The following CNR1 variants were observed in gnomAD, a reference collection of about 807,000 sequenced individuals.
The protein encoded by CNR1 is cannabinoid receptor 1 (brain).
A neutral mutation model predicts 23.0 loss-of-function variants in CNR1; 10 were observed. That is an observed-to-expected ratio of 0.43 (90% CI 0.27 to 0.74). The LOEUF is 0.74. Ranked by LOEUF, CNR1 falls within the 30% of genes least tolerant of loss-of-function variation. The pLI is 0.19. For synonymous variants in CNR1, 271 were observed against 255.2 expected, an observed-to-expected ratio of 1.06 and a Z score of -0.59; for missense variants, 422 against 618.8, an observed-to-expected ratio of 0.68 and a Z score of 3.37.
rs1420525902 is a variant in CNR1 at position 88,139,996 on chromosome 6, T to C, written c.*3860A>G. On this transcript the variant is annotated 3_prime_UTR_variant, in exon 2 of 2. Coordinates refer to ENST00000369501, the MANE Select transcript of CNR1 (RefSeq NM_016083.6). ...ATTGAAATAAAATATACTGTGGGCT[T>C]AATACATTGTAAATATTACAGAAGA... The C allele has an allele frequency of 2.0e-5, 3 of 152,558 alleles. No homozygotes were observed. Among genetic ancestry groups the C allele is most frequent in the African/African-American group, 7.2e-5 (3 of 41,476 alleles). The allele number at this position is 152,558 out of a possible 1,614,324, so 9.5% of individuals were successfully genotyped here. A position where few individuals can be genotyped will look rare whatever the true frequency, so the allele number is the denominator to read the frequency against.
chr6:88,156,250 AG>A lies in CNR1; in HGVS notation c.-64+9552del, dbSNP rs141006752. On this transcript the variant is annotated intron_variant, in intron 1 of 1. Transcript: ENST00000369501. Reference sequence around the variant, plus strand: ...ATGTGGCTAATAGATATAAAGTTACAGGCCTTCAAATGCTTGATTTAACACA... The same window carrying A: ...ATGTGGCTAATAGATATAAAGTTACAGCCTTCAAATGCTTGATTTAACACA... 9.2e-3 allele frequency among the ~76,000 whole-genome samples: 1,396 copies of A among 152,328 alleles called. 47 individuals are homozygous for A. Among genetic ancestry groups the A allele is most frequent in the East Asian group, 0.077 (400 of 5,192 alleles).
chr6:88,144,258 A>G lies in CNR1; in HGVS notation c.1017T>C (p.Ile339=), dbSNP rs1777007883. The change falls in exon 2 of 2, where the codon ATT becomes ATC. Residue 339 remains isoleucine, a synonymous_variant. Transcript: ENST00000369501. The surrounding 1 kb of genome is among the most constrained non-coding windows in gnomAD (Gnocchi z 7.8). The part of the protein sequence containing the change: ...VTRPDQARMD[I]RLAKTLVLIL... The stretch of plus-strand genomic sequence containing the variant: ...TCAGGACCAGGGTCTTGGCTAACCT[A>G]ATGTCCATGCGGGCTTGGTCTGGCC... The G allele has an allele frequency of 1.9e-6, 3 of 1,610,818 alleles. No homozygotes were observed. The highest frequency in any genetic ancestry group is 2.7e-5 in the African/African-American group (2 of 74,772).
chr6:88,167,090 G>T (rs2127776598), upstream of CNR1, among the ~76,000 whole-genome samples: 1 of 152,000 alleles, frequency 6.6e-6, no homozygotes, highest in Admixed American at 6.5e-5. Flanking sequence ...CCCGCCCGCC[G>T]GTCCCCGATG....
At position 88,144,474 on chromosome 6, in the gene CNR1, A is replaced by G. The variant is rs1390699556; in HGVS notation, c.801T>C (p.Ile267=). 1 of 1,614,194 alleles carries G rather than the reference A, an allele frequency of 6.2e-7. No individual in the cohort carries two copies. Among genetic ancestry groups the G allele is most frequent in the Non-Finnish European group, 8.5e-7 (1 of 1,180,046 alleles). ...GGTAGGTTTCATCAATGTGTGGGAA[A>G]ATGTCTGAGCAAACAGATTGCAGTT... ...CEKLQSVCSD[I]FPHIDETYLM... is the part of the protein sequence containing the mutation. Residue 267 remains isoleucine (I), a synonymous_variant, in exon 2 of 2, where the codon ATT becomes ATC. Coordinates refer to ENST00000369501, the MANE Select transcript of CNR1 (RefSeq NM_016083.6). The surrounding 1 kb of genome is among the most constrained non-coding windows in gnomAD (Gnocchi z 7.8).
chr6:88,161,329 C>T (rs980796211), intron 1 of CNR1, among the ~76,000 whole-genome samples: 8 of 152,284 alleles, frequency 5.3e-5, no homozygotes, highest in East Asian at 3.9e-4. Context: ...CCCATTTGCT[C>T]GGGTTTTGGG....
At chr6:88,162,339 A>G (rs921705149) in intron 1 of CNR1, among the ~76,000 whole-genome samples, 4 of 152,222 alleles carry the variant, frequency 2.6e-5, no homozygotes, top group Non-Finnish European at 4.4e-5. Flanking sequence ...ATGTAAATAA[A>G]AGTGTGTTTC....
intron 1 of CNR1, among the ~76,000 whole-genome samples, chr6:88,157,986 G>A (rs1008691191): frequency 2.0e-5 from 3 of 152,028 alleles, no homozygotes; most frequent in East Asian, 1.9e-4. Flanking sequence ...GCGTAAATCC[G>A]GGGTTTCCTT....
rs1442758263 is a variant in CNR1 at position 88,143,599 on chromosome 6, C to T, written c.*257G>A. The T allele has an allele frequency of 1.8e-5, 7 of 385,224 alleles. No individual in the cohort carries two copies. Among genetic ancestry groups the T allele is most frequent in the East Asian group, 4.6e-5 (1 of 21,928 alleles). 23.9% of individuals were successfully genotyped at this position (385,224 alleles called of 1,614,324 possible). On this transcript the variant is annotated 3_prime_UTR_variant, in exon 2 of 2. Coordinates refer to ENST00000369501, the MANE Select transcript of CNR1 (RefSeq NM_016083.6). ...CAATTGTGTAGCCAAAGGTTTCCCT[C>T]CTATTTCATTGAGACTTTGAAGGAT...
At position 88,143,642 on chromosome 6, in the gene CNR1, A is replaced by C. The variant is rs1312816055; in HGVS notation, c.*214T>G. 1 of 520,256 alleles carries C rather than the reference A, an allele frequency of 1.9e-6. No individual in the cohort carries two copies. The highest frequency in any genetic ancestry group is 3.2e-5 in the East Asian group (1 of 31,162). The allele number at this position is 520,256 out of a possible 1,614,324, so 32.2% of individuals were successfully genotyped here. A position where few individuals can be genotyped will look rare whatever the true frequency, so the allele number is the denominator to read the frequency against. ...TGAAGGATCGTTCAGTCACTTAAACAACAGGCTTTCTTCACTGTAAACCCC... is the reference window on the plus strand; with the variant it reads ...TGAAGGATCGTTCAGTCACTTAAACCACAGGCTTTCTTCACTGTAAACCCC... On this transcript the variant is annotated 3_prime_UTR_variant, in exon 2 of 2. Transcript: ENST00000369501.
chr6:88,166,782 C>A (rs951452710), upstream of CNR1, among the ~76,000 whole-genome samples: 2 of 129,462 alleles, frequency 1.5e-5, no homozygotes, highest in Non-Finnish European at 3.5e-5. Context: ...TCTGGGGCAG[C>A]GGGCTGAGCC....
Position 88,166,082 on chromosome 6 carries a change from G to C in CNR1, c.-343C>G, listed in dbSNP as rs950292439. 2 of 152,358 alleles carry C rather than the reference G, an allele frequency of 1.3e-5. No homozygotes were observed. Among genetic ancestry groups the C allele is most frequent in the African/African-American group, 4.8e-5 (2 of 41,452 alleles). 9.4% of individuals were successfully genotyped at this position (152,358 alleles called of 1,614,324 possible). On this transcript the variant is annotated 5_prime_UTR_variant, in exon 1 of 2. Transcript: ENST00000369501. ...TGGCGAGGCGGGGTGGGGTGGAGTG[G>C]GGTGTGCCTCCGGCGGGCGGTCAGC...
At chr6:88,154,573 A>T (rs551098321) in intron 1 of CNR1, among the ~76,000 whole-genome samples, 1 of 151,974 alleles carries the variant, frequency 6.6e-6, no homozygotes, top group East Asian at 1.9e-4. Context: ...AAAGAAAGCA[A>T]TTTTTTTTAT....
Position 88,144,597 on chromosome 6 carries a change from C to T in CNR1, c.678G>A (p.Arg226=), listed in dbSNP as rs1312171358. 7 of 1,614,100 alleles carry T rather than the reference C, an allele frequency of 4.3e-6. No homozygotes were observed. Among genetic ancestry groups the T allele is most frequent in the Non-Finnish European group, 5.1e-6 (6 of 1,180,048 alleles). Residue 226 remains arginine, a synonymous_variant, in exon 2 of 2, where the codon AGG becomes AGA. Coordinates refer to ENST00000369501, the MANE Select transcript of CNR1 (RefSeq NM_016083.6). The surrounding 1 kb of genome is among the most constrained non-coding windows in gnomAD (Gnocchi z 7.8). The part of the protein sequence containing the change: ...ISIHRPLAYK[R]IVTRPKAVVA... The stretch of plus-strand genomic sequence containing the variant: ...CCACGGCCTTGGGCCTGGTGACAAT[C>T]CTCTTATAGGCCAGGGGCCTGTGAA...
intron 1 of CNR1, among the ~76,000 whole-genome samples, chr6:88,154,028 TC>T (rs1451836726): frequency 1.3e-5 from 2 of 152,216 alleles, no homozygotes; most frequent in African/African-American, 4.8e-5. Context: ...TAATCTTTTT[TC>T]CTTATATTAA....
At chr6:88,148,722 A>C (rs950736406) in intron 1 of CNR1, among the ~76,000 whole-genome samples, 3 of 152,244 alleles carry the variant, frequency 2.0e-5, no homozygotes, top group African/African-American at 7.2e-5. Flanking sequence ...TATATGCAAT[A>C]AGCAACTTTG....
chr6:88,152,292 C>T (rs1478052646), intron 1 of CNR1, among the ~76,000 whole-genome samples: 1 of 151,584 alleles, frequency 6.6e-6, no homozygotes, highest in Non-Finnish European at 1.5e-5. Context: ...GCTACTAAAT[C>T]CCTATTTCCT....
At chr6:88,145,720 C>T (rs951730353) in intron 1 of CNR1, among the ~76,000 whole-genome samples, 3 of 152,220 alleles carry the variant, frequency 2.0e-5, no homozygotes, top group African/African-American at 7.2e-5. Context: ...TCCTGTCACA[C>T]ACACATGGTA....
rs947382562 is a variant in CNR1, at chr6:88,166,195, C to G, written c.-456G>C. The G allele has an allele frequency of 6.6e-6, 1 of 151,976 alleles. No homozygotes were observed. Among genetic ancestry groups the G allele is most frequent in the Non-Finnish European group, 1.5e-5 (1 of 67,996 alleles). 9.4% of individuals were successfully genotyped at this position (151,976 alleles called of 1,614,324 possible). A position where few individuals can be genotyped will look rare whatever the true frequency, so the allele number is the denominator to read the frequency against. On this transcript the variant is annotated 5_prime_UTR_variant, in exon 1 of 2. Coordinates refer to ENST00000369501, the MANE Select transcript of CNR1 (RefSeq NM_016083.6). ...ACTGGCGCCCCGCTGCTCCGACCGC[C>G]GGCGAGCCTCGCCCCTTCCCAGGCT... is the stretch of plus-strand genomic sequence containing the variant.
rs140990034 is a variant in CNR1 at position 88,144,534 on chromosome 6, G to A, written c.741C>T (p.Ile247=). ...TCCAGCCCAGGAGAGGCAGCACGGC[G>A]ATCACAATGGCTATGGTCCACATCA... is the stretch of plus-strand genomic sequence containing the variant. The part of the protein sequence containing the change: ...FCLMWTIAIV[I]AVLPLLGWNC... The change falls in exon 2 of 2, where the codon ATC becomes ATT. Residue 247 remains isoleucine, a synonymous_variant. Coordinates refer to ENST00000369501, the MANE Select transcript of CNR1 (RefSeq NM_016083.6). This position sits in a 1 kb window ranked among gnomAD's most constrained non-coding sequence, Gnocchi z 7.8. 135 of 1,614,060 alleles carry A rather than the reference G, an allele frequency of 8.4e-5. No homozygotes were observed. Among genetic ancestry groups the A allele is most frequent in the Non-Finnish European group, 9.9e-5 (117 of 1,180,046 alleles).
Sources: gnomAD v4.1 joint callset for allele counts (sites outside exome capture counted in the v4.1 genomes callset) on GRCh38, gnomAD v4.1.1 for gene constraint, Gnocchi (gnomAD v3.1) non-coding constraint, MANE v1.5 for transcripts, NCBI Gene and HGNC (gene_info 2026-07-23, HGNC 2026-07-21) for gene names.